The following SPSB4 variants were observed in gnomAD, a reference collection of about 807,000 sequenced individuals.
SPSB4 encodes SPRY domain-containing SOCS box protein 4.
SPSB4 carries 21 observed loss-of-function variants against 20.9 expected under a neutral mutation model. The observed-to-expected ratio is 1.01, with a 90% confidence interval of 0.71 to 1.45. The LOEUF is 1.45. Ranked by LOEUF, SPSB4 falls within the 40% of genes most tolerant of loss-of-function variation. SPSB4 has a pLI of 0.00. For synonymous variants in SPSB4, 207 were observed against 183.8 expected (o/e 1.13, Z -1.02); for missense variants, 399 against 399.2 (o/e 1.00, Z 0.00).
chr3:141,105,904 T>A (rs1938680120), intron 2 of SPSB4, among the ~76,000 whole-genome samples: 1 of 152,228 alleles, frequency 6.6e-6, no homozygotes, highest in Non-Finnish European at 1.5e-5. Context: ...TACACTTTCA[T>A]AAAAGAGAAT....
At chr3:141,052,152 G>T (rs951937688) in intron 1 of SPSB4, among the ~76,000 whole-genome samples, 160 bp downstream of exon 1, 3 of 152,224 alleles carry the variant, frequency 2.0e-5, no homozygotes, top group African/African-American at 7.2e-5. Context: ...CGAGATGGTT[G>T]ATTTGCGCGC....
chr3:141,069,391 G>A (rs1937950245), intron 2 of SPSB4, among the ~76,000 whole-genome samples: 1 of 152,118 alleles, frequency 6.6e-6, no homozygotes, highest in African/African-American at 2.4e-5. Flanking sequence ...GGACTAGTTT[G>A]GCTCTAGGGA....
intron 2 of SPSB4, among the ~76,000 whole-genome samples, chr3:141,121,787 A>G (rs1264572516): frequency 6.6e-6 from 1 of 151,950 alleles, no homozygotes; most frequent in Non-Finnish European, 1.5e-5. Flanking sequence ...TCATCTCTAC[A>G]CTGTTTATTC....
chr3:141,141,374 C>A (rs1346205467), intron 2 of SPSB4, among the ~76,000 whole-genome samples: 2 of 152,202 alleles, frequency 1.3e-5, no homozygotes, highest in African/African-American at 4.8e-5. Flanking sequence ...GTGAGATGAA[C>A]CCGGTACCTC....
At chr3:141,136,391 G>A (rs1210707717) in intron 2 of SPSB4, among the ~76,000 whole-genome samples, 1 of 152,156 alleles carries the variant, frequency 6.6e-6, no homozygotes, top group Non-Finnish European at 1.5e-5. Context: ...TGCTTTTGGT[G>A]TTTTAGACAT....
intron 2 of SPSB4, among the ~76,000 whole-genome samples, chr3:141,121,388 T>C (rs1459381451): frequency 1.3e-5 from 2 of 152,216 alleles, no homozygotes; most frequent in African/African-American, 4.8e-5. Flanking sequence ...CAGTTATGTG[T>C]CTTGGGGTTG....
In SPSB4 at chr3:141,086,267, G is replaced by C. The variant is rs567171413; in HGVS notation, c.694+19469G>C. On this transcript the variant is annotated intron_variant, in intron 2 of 2. Coordinates refer to ENST00000310546, the MANE Select transcript of SPSB4 (RefSeq NM_080862.3). Reference sequence around the variant, plus strand: ...ACCTTCCTTGAAGGGTTTTTGAGAGGATCACATGAAATAAAAGAGGGCAAA... The same window carrying C: ...ACCTTCCTTGAAGGGTTTTTGAGAGCATCACATGAAATAAAAGAGGGCAAA... 1.1e-3 allele frequency among the ~76,000 whole-genome samples: 161 copies of C among 152,276 alleles called. 1 individual carries two copies. Among genetic ancestry groups the C allele is most frequent in the South Asian group, 2.1e-3 (10 of 4,822 alleles).
chr3:141,132,529 G>A (rs113457283), intron 2 of SPSB4, among the ~76,000 whole-genome samples: 37 of 152,240 alleles, frequency 2.4e-4, no homozygotes, highest in African/African-American at 8.2e-4. Context: ...TGAGAACATA[G>A]ATGTTTGGTT....
Position 141,147,350 on chromosome 3 carries a change from A to G in SPSB4, c.*81A>G. On this transcript the variant is annotated 3_prime_UTR_variant, in exon 3 of 3. Coordinates refer to ENST00000310546, the MANE Select transcript of SPSB4 (RefSeq NM_080862.3). ...TGTCATTCACAGTCCCATGGCACAT[A>G]GGGGAAAGGATCTACCCTTCTCCTG... The G allele has an allele frequency of 6.3e-7, 1 of 1,586,214 alleles. No individual in the cohort carries two copies. Among genetic ancestry groups the G allele is most frequent in the African/African-American group, 1.3e-5 (1 of 74,634 alleles).
chr3:141,091,820 G>T (rs1938454469), intron 2 of SPSB4, among the ~76,000 whole-genome samples: 1 of 152,200 alleles, frequency 6.6e-6, no homozygotes, highest in African/African-American at 2.4e-5. Flanking sequence ...GCTAAAAATG[G>T]CCAGGGAACA....
rs148807689 is a variant in SPSB4, at chr3:141,132,458, A to G, written c.695-14684A>G. On this transcript the variant is annotated intron_variant, in intron 2 of 2. Coordinates refer to ENST00000310546, the MANE Select transcript of SPSB4 (RefSeq NM_080862.3). Reference sequence around the variant, plus strand: ...TGGGATTACAGGCGTGAGCCACCGTACCCAGCTTTTATGTCGTTCTTATGA... The same window carrying G: ...TGGGATTACAGGCGTGAGCCACCGTGCCCAGCTTTTATGTCGTTCTTATGA... 58 of 184,780 alleles carry G rather than the reference A, an allele frequency of 3.1e-4. 2 individuals are homozygous for G. The East Asian group carries it at 7.5e-3, about 24-fold the overall frequency. 11.4% of individuals were successfully genotyped at this position (184,780 alleles called of 1,614,324 possible).
At chr3:141,085,457 G>T (rs1001981406) in intron 2 of SPSB4, among the ~76,000 whole-genome samples, 1 of 152,130 alleles carries the variant, frequency 6.6e-6, no homozygotes. Flanking sequence ...CTCATTGTCT[G>T]GAATGGCTGC....
chr3:141,147,320 C>T lies in SPSB4; in HGVS notation c.*51C>T, dbSNP rs199587904. 16 of 1,607,408 alleles carry T rather than the reference C, an allele frequency of 1.0e-5. No homozygotes were observed. Among genetic ancestry groups the T allele is most frequent in the African/African-American group, 6.7e-5 (5 of 74,866 alleles). On this transcript the variant is annotated 3_prime_UTR_variant, in exon 3 of 3. Coordinates refer to ENST00000310546, the MANE Select transcript of SPSB4 (RefSeq NM_080862.3). ...ACAGACACACACCGCAGGGCCCGACCCTCCTGTCATTCACAGTCCCATGGC... is the reference window on the plus strand; with the variant it reads ...ACAGACACACACCGCAGGGCCCGACTCTCCTGTCATTCACAGTCCCATGGC...
intron 2 of SPSB4, among the ~76,000 whole-genome samples, chr3:141,091,522 A>G (rs1938449533): frequency 6.6e-6 from 1 of 152,230 alleles, no homozygotes; most frequent in Non-Finnish European, 1.5e-5. Flanking sequence ...GTCCTGAGCA[A>G]TAAGGCAGGA....
intron 2 of SPSB4, among the ~76,000 whole-genome samples, chr3:141,126,381 G>T (rs1939050498): frequency 6.6e-6 from 1 of 152,114 alleles, no homozygotes; most frequent in Non-Finnish European, 1.5e-5. Context: ...ACTCAATCCT[G>T]AGGAGAGAAG....
intron 2 of SPSB4, among the ~76,000 whole-genome samples, chr3:141,090,776 T>A (rs1456804909): frequency 6.6e-6 from 1 of 152,100 alleles, no homozygotes; most frequent in Non-Finnish European, 1.5e-5. Flanking sequence ...TTTAAAAGGA[T>A]CACTTTAACT....
intron 2 of SPSB4, among the ~76,000 whole-genome samples, chr3:141,075,892 CAAA>C (rs532646509): frequency 1.5e-5 from 1 of 68,850 alleles, no homozygotes; most frequent in Non-Finnish European, 3.7e-5. Flanking sequence ...ACTAAAAATA[CAAA>C]AAAAAAAAAA....
At chr3:141,135,460 A>C (rs1939211362) in intron 2 of SPSB4, among the ~76,000 whole-genome samples, 3 of 151,924 alleles carry the variant, frequency 2.0e-5, no homozygotes, top group African/African-American at 7.3e-5. Flanking sequence ...CTCATCATTT[A>C]GCATTAGGTA....
At chr3:141,069,347 C>T (rs1937949255) in intron 2 of SPSB4, among the ~76,000 whole-genome samples, 1 of 152,144 alleles carries the variant, frequency 6.6e-6, no homozygotes, top group Non-Finnish European at 1.5e-5. Flanking sequence ...AGCCTGTGTC[C>T]TGGGCTGAAG....
Sources: allele counts gnomAD v4.1 joint callset (sites outside exome capture counted in the v4.1 genomes callset), GRCh38; gene constraint gnomAD v4.1.1; transcripts MANE v1.5; gene names NCBI Gene and HGNC (gene_info 2026-07-23, HGNC 2026-07-21).